The following PHKA1 variants were observed in gnomAD, a reference collection of about 807,000 sequenced individuals.
The protein encoded by PHKA1 is phosphorylase kinase regulatory subunit alpha 1, also known as phosphorylase b kinase regulatory subunit alpha, skeletal muscle isoform.
PHKA1 carries 60 observed loss-of-function variants against 110.2 expected under a neutral mutation model. The ratio of observed to expected loss-of-function variants is 0.54; its 90% confidence interval spans 0.44 to 0.68. The LOEUF is 0.68. PHKA1 is among the 30% of genes least tolerant of loss of function. The probability of loss-of-function intolerance (pLI) is 0.00; values close to 1 mark genes in which losing one functional copy is unlikely to be tolerated. For missense variants in PHKA1, 801 were observed against 942.5 expected (o/e 0.85, Z 1.97); for synonymous variants, 316 against 333.6 (o/e 0.95, Z 0.58).
At chrX:72,594,094 T>C (rs2052559649) in intron 28 of PHKA1, among the ~76,000 whole-genome samples, 1 of 110,470 alleles carries the variant, frequency 9.1e-6, no homozygotes, top group South Asian at 3.8e-4. Context: ...AATTAGAAAA[T>C]AATGAAATGA....
At chrX:72,658,458 C>CAA (rs34964050) in intron 8 of PHKA1, among the ~76,000 whole-genome samples, 20 of 40,412 alleles carry the variant, frequency 4.9e-4, no homozygotes, top group Middle Eastern at 0.02. Context: ...GACTTTGTTT[C>CAA]AAAAAAAAAA....
Position 72,712,861 on chromosome X carries a change from A to G in PHKA1, c.155T>C (p.Leu52Ser). The change falls in exon 2 of 32, where the codon TTG becomes TCG. Residue 52 changes from leucine (L) to serine (S), a missense_variant. Transcript: ENST00000373542. ...GGCCAGGCCCAAACCCCACACAGCC[A>G]AGATGCTGTACACATTATCTCGGAC... is the stretch of plus-strand genomic sequence containing the variant. ...AWVRDNVYSI[L>S]AVWGLGLAYR... 8.3e-7 allele frequency: 1 copy of G among 1,209,605 alleles called. No homozygotes were observed. The highest frequency in any genetic ancestry group is 1.1e-6 in the Non-Finnish European group (1 of 893,707).
chrX:72,624,382 A>C (rs2053023012), intron 17 of PHKA1, among the ~76,000 whole-genome samples: 1 of 111,166 alleles, frequency 9.0e-6, no homozygotes, highest in Non-Finnish European at 1.9e-5. Flanking sequence ...CCTCCTGGTA[A>C]CCACCTCCCT....
intron 5 of PHKA1, among the ~76,000 whole-genome samples, chrX:72,682,612 T>A (rs2053917424): frequency 9.4e-6 from 1 of 106,534 alleles, no homozygotes; most frequent in South Asian, 4.5e-4. Flanking sequence ...ATCCTGTTGA[T>A]CTGTGACCTT....
At chrX:72,611,665 A>G (rs959891083) in intron 21 of PHKA1, among the ~76,000 whole-genome samples, 1 of 112,376 alleles carries the variant, frequency 8.9e-6, no homozygotes, top group African/African-American at 3.2e-5. Flanking sequence ...CAAAACAAAT[A>G]GATGGCTTTT....
intron 2 of PHKA1, among the ~76,000 whole-genome samples, chrX:72,710,582 A>C (rs1362837893): frequency 8.9e-6 from 1 of 111,949 alleles, no homozygotes; most frequent in Non-Finnish European, 1.9e-5. Context: ...CTAATAATAA[A>C]AACCTGTTGC....
intron 3 of PHKA1, among the ~76,000 whole-genome samples, chrX:72,697,996 A>T (rs1251066399): frequency 1.1e-4 from 12 of 109,056 alleles, no homozygotes; most frequent in African/African-American, 3.0e-4. Flanking sequence ...AAAAAAAAAA[A>T]TTTTTTTTAA....
At position 72,657,810 on chromosome X, in the gene PHKA1, A is replaced by T. The variant is rs6624622; in HGVS notation, c.865-169T>A. Among the ~76,000 whole-genome samples the T allele has an allele frequency of 2.5e-4, 28 of 111,776 alleles. No individual in the cohort carries two copies. In the East Asian group the frequency reaches 7.8e-3, roughly 31 times the overall value. ...TAATATAATAATGCTTAAAACCAAAAAATCAATCCAGCAGCAGAAACAGAT... is the reference window on the plus strand; with the variant it reads ...TAATATAATAATGCTTAAAACCAAATAATCAATCCAGCAGCAGAAACAGAT... On this transcript the variant is annotated intron_variant, in intron 8 of 31. Coordinates refer to ENST00000373542, the MANE Select transcript of PHKA1 (RefSeq NM_002637.4).
intron 30 of PHKA1, among the ~76,000 whole-genome samples, chrX:72,583,269 T>G (rs2052362455): frequency 8.9e-6 from 1 of 111,969 alleles, no homozygotes; most frequent in South Asian, 3.7e-4. Flanking sequence ...ACAATTAATC[T>G]CTAAATTTGT....
At chrX:72,667,719 A>G (rs2053630157) in intron 6 of PHKA1, among the ~76,000 whole-genome samples, 1 of 111,743 alleles carries the variant, frequency 8.9e-6, no homozygotes, top group East Asian at 2.8e-4. Context: ...CCATCATTGT[A>G]CTCTCTCCTT....
chrX:72,582,743 A>T, intron 30 of PHKA1, 145 bp from the exon 31 acceptor site: 1 of 511,254 alleles, frequency 2.0e-6, no homozygotes, highest in Non-Finnish European at 3.5e-6. Context: ...AAACTGCTTC[A>T]ATCTTTTTGG....
chrX:72,680,755 C>T (rs1169692973), intron 5 of PHKA1, among the ~76,000 whole-genome samples: 6 of 93,259 alleles, frequency 6.4e-5, no homozygotes, highest in East Asian at 3.6e-4. Context: ...CAGCCGCCGC[C>T]GCCCGACCGC....
rs2052977050 is a variant in PHKA1, at chrX:72,621,389, C to T, written c.1961-488G>A. ...TGGCTGCTATGTACCAGGCAGTGTA[C>T]TAGGTGCTGACATTTCAGTGGTGAA... On this transcript the variant is annotated intron_variant, in intron 18 of 31. Transcript: ENST00000373542. Among the ~76,000 whole-genome samples the T allele has an allele frequency of 2.7e-5, 3 of 111,594 alleles. No individual in the cohort carries two copies. The South Asian group carries it at 1.2e-3, about 43-fold the overall frequency.
At chrX:72,680,791 C>T (rs1271596184) in intron 5 of PHKA1, among the ~76,000 whole-genome samples, 4 of 88,494 alleles carry the variant, frequency 4.5e-5, no homozygotes, top group Non-Finnish European at 6.5e-5. Context: ...CAGCGGGCAG[C>T]GGAGCTGTCT....
chrX:72,618,397 C>T (rs371065810), intron 21 of PHKA1, among the ~76,000 whole-genome samples: 6 of 111,780 alleles, frequency 5.4e-5, no homozygotes, highest in African/African-American at 1.3e-4. Flanking sequence ...GTACATTTGA[C>T]CAAATAATGG....
Position 72,586,946 on chromosome X carries a change from G to A in PHKA1, c.3244-2644C>T, listed in dbSNP as rs1047844562. Among the ~76,000 whole-genome samples the A allele has an allele frequency of 2.7e-5, 3 of 111,138 alleles. No homozygotes were observed. The East Asian group carries it at 8.5e-4, about 32-fold the overall frequency. On this transcript the variant is annotated intron_variant, in intron 29 of 31. Transcript: ENST00000373542. ...ATGGGACTATGTGAAAAGACCAAAC[G>A]TACGTCTGATTGGTGTACCTGAAAG...
Position 72,580,670 on chromosome X carries a change from G to A in PHKA1, c.*332C>T. 3.5e-6 allele frequency: 1 copy of A among 284,433 alleles called. No homozygotes were observed. Among genetic ancestry groups the A allele is most frequent in the Admixed American group, 5.6e-5 (1 of 17,776 alleles). The allele number at this position is 284,433 out of a possible 1,213,427, so 23.4% of individuals were successfully genotyped here. A position where few individuals can be genotyped will look rare whatever the true frequency, so the allele number is the denominator to read the frequency against. ...ATTAACACTTGCTCCCCAAACAGGA[G>A]TTAGAAAACTATATTGGTAACAGAT... is the stretch of plus-strand genomic sequence containing the variant. On this transcript the variant is annotated 3_prime_UTR_variant, in exon 32 of 32. Transcript: ENST00000373542.
intron 6 of PHKA1, among the ~76,000 whole-genome samples, chrX:72,675,379 A>G (rs2053766958): frequency 9.0e-6 from 1 of 110,846 alleles, no homozygotes; most frequent in African/African-American, 3.3e-5. Context: ...GTCAGACTGT[A>G]TTTTGCTCAT....
chrX:72,642,489 T>C (rs1434279564), intron 14 of PHKA1, among the ~76,000 whole-genome samples: 1 of 111,778 alleles, frequency 8.9e-6, no homozygotes, highest in Non-Finnish European at 1.9e-5. Context: ...GTGGGTAAGA[T>C]GTTGGCTAAA....
Sources: gnomAD v4.1 joint callset for allele counts (sites outside exome capture counted in the v4.1 genomes callset) on GRCh38, gnomAD v4.1.1 for gene constraint, MANE v1.5 for transcripts, NCBI Gene and HGNC (gene_info 2026-07-23, HGNC 2026-07-21) for gene names.